TRPM3: variants seen among roughly 807,000 people sequenced by gnomAD.
TRPM3 encodes the protein transient receptor potential cation channel subfamily M member 3, also known as long transient receptor potential channel 3.
A neutral mutation model predicts 181.2 loss-of-function variants in TRPM3; 77 were observed. The observed-to-expected ratio is 0.42, with a 90% confidence interval of 0.35 to 0.51. TRPM3 has a LOEUF of 0.51. Among genes scored for constraint, TRPM3 ranks in the 20% least tolerant of loss-of-function variants. The pLI is 0.01. For synonymous variants in TRPM3, 745 were observed against 796.4 expected (o/e 0.94, Z 1.09); for missense variants, 1,759 against 2,196.7 (o/e 0.80, Z 3.98).
chr9:71,143,059 A>G (rs1448179835), intron 1 of TRPM3, among the ~76,000 whole-genome samples: 1 of 151,162 alleles, frequency 6.6e-6, no homozygotes, highest in Admixed American at 6.6e-5. Flanking sequence ...CTGAGGCGGG[A>G]AGATCACTTG....
chr9:71,190,025 G>T (rs1424437897), intron 1 of TRPM3, among the ~76,000 whole-genome samples: 1 of 151,784 alleles, frequency 6.6e-6, no homozygotes, highest in African/African-American at 2.4e-5. Flanking sequence ...CCTGATTTTT[G>T]TGTCACTTTT....
intron 1 of TRPM3, among the ~76,000 whole-genome samples, chr9:71,380,166 C>T (rs1480210927): frequency 6.6e-6 from 1 of 152,000 alleles, no homozygotes; most frequent in East Asian, 1.9e-4. Context: ...CAGTGGTCTT[C>T]TTGGCTATTT....
chr9:71,035,024 G>A (rs954680938), intron 1 of TRPM3, among the ~76,000 whole-genome samples: 3 of 152,080 alleles, frequency 2.0e-5, no homozygotes, highest in East Asian at 3.9e-4. Context: ...CTTGTTTACA[G>A]CGGCAATTTG....
chr9:70,744,164 C>A (rs912820412), intron 8 of TRPM3, among the ~76,000 whole-genome samples: 1 of 151,870 alleles, frequency 6.6e-6, no homozygotes, highest in Non-Finnish European at 1.5e-5. Context: ...CCCGTCTCTA[C>A]TAAAAATACA....
intron 1 of TRPM3, among the ~76,000 whole-genome samples, chr9:71,041,916 G>C (rs75957395): frequency 0.047 from 7,183 of 152,014 alleles, 273 homozygotes; most frequent in African/African-American, 0.11. Context: ...CTCTTATATT[G>C]TCCCCTCTGT....
At chr9:70,891,511 G>C (rs959893529) in intron 1 of TRPM3, among the ~76,000 whole-genome samples, 3 of 152,264 alleles carry the variant, frequency 2.0e-5, no homozygotes, top group South Asian at 4.2e-4. Flanking sequence ...TGTCAGGCAA[G>C]GGACCCTGTT....
At chr9:71,061,658 C>T (rs1489583525) in intron 1 of TRPM3, among the ~76,000 whole-genome samples, 1 of 152,068 alleles carries the variant, frequency 6.6e-6, no homozygotes, top group Non-Finnish European at 1.5e-5. Flanking sequence ...CTCTAGTGAG[C>T]ATCCCTGGCA....
intron 1 of TRPM3, among the ~76,000 whole-genome samples, chr9:70,935,799 C>T (rs577515939): frequency 2.0e-5 from 3 of 152,200 alleles, no homozygotes; most frequent in South Asian, 4.1e-4. Context: ...ATTTTTTCCC[C>T]CAAGCGCAAT....
At chr9:71,260,151 T>C (rs941073771) in intron 1 of TRPM3, among the ~76,000 whole-genome samples, 1 of 152,200 alleles carries the variant, frequency 6.6e-6, no homozygotes, top group African/African-American at 2.4e-5. Flanking sequence ...ATTTCCCCAT[T>C]GTTTGTTTTT....
At chr9:71,174,306 CCAA>C (rs1259899044) in intron 1 of TRPM3, among the ~76,000 whole-genome samples, 1 of 152,098 alleles carries the variant, frequency 6.6e-6, no homozygotes, top group African/African-American at 2.4e-5. Flanking sequence ...ATTTGGGAGG[CCAA>C]CGCCAGTGGA....
chr9:70,914,823 T>A lies in TRPM3; in HGVS notation c.178-50312A>T, dbSNP rs140263305. ...CTCTGCCTAGTGATCCAGATAATTT[T>A]TCCAGATCTTGTCCAAGACCATCAA... is the stretch of plus-strand genomic sequence containing the variant. On this transcript the variant is annotated intron_variant, in intron 1 of 25. Coordinates refer to ENST00000677713, the MANE Select transcript of TRPM3 (RefSeq NM_001366145.2). 2.6e-3 allele frequency among the ~76,000 whole-genome samples: 389 copies of A among 152,330 alleles called. 2 individuals are homozygous for A. The highest frequency in any genetic ancestry group is 9.0e-3 in the African/African-American group (375 of 41,568).
chr9:70,993,009 G>A (rs953565071), intron 1 of TRPM3, among the ~76,000 whole-genome samples: 6 of 152,250 alleles, frequency 3.9e-5, no homozygotes, highest in Non-Finnish European at 7.4e-5. Context: ...AAACCCCCAA[G>A]AGATTTATGT....
intron 1 of TRPM3, among the ~76,000 whole-genome samples, chr9:71,327,078 A>G (rs530271640): frequency 6.6e-6 from 1 of 152,346 alleles, no homozygotes; most frequent in Non-Finnish European, 1.5e-5. Flanking sequence ...CCGTAACTGG[A>G]CACAGATCCA....
At chr9:71,187,806 T>C (rs1448644837) in intron 1 of TRPM3, among the ~76,000 whole-genome samples, 1 of 151,776 alleles carries the variant, frequency 6.6e-6, no homozygotes, top group African/African-American at 2.4e-5. Context: ...ATGAACATAG[T>C]TTTCATAACA....
intron 1 of TRPM3, among the ~76,000 whole-genome samples, chr9:71,287,646 A>T (rs181400954): frequency 0.012 from 1,801 of 152,068 alleles, 23 homozygotes; most frequent in Non-Finnish European, 0.015. Context: ...AGAAAAAAAA[A>T]AAAAGCCTGG....
chr9:70,995,075 G>A (rs879360744), intron 1 of TRPM3, among the ~76,000 whole-genome samples: 11 of 152,180 alleles, frequency 7.2e-5, no homozygotes, highest in East Asian at 1.9e-4. Context: ...GATTCCAGCC[G>A]TGTCTTCTCT....
intron 1 of TRPM3, among the ~76,000 whole-genome samples, chr9:71,245,246 T>C (rs2081965930): frequency 6.6e-6 from 1 of 151,932 alleles, no homozygotes; most frequent in Non-Finnish European, 1.5e-5. Flanking sequence ...GTCAGGAATT[T>C]GAGACCCCAA....
At chr9:70,982,954 C>T (rs2097378317) in intron 1 of TRPM3, among the ~76,000 whole-genome samples, 1 of 152,170 alleles carries the variant, frequency 6.6e-6, no homozygotes, top group Non-Finnish European at 1.5e-5. Flanking sequence ...CTGCCTCGGC[C>T]TCCCAAAGTG....
intron 6 of TRPM3, among the ~76,000 whole-genome samples, chr9:70,791,364 T>C (rs1328892213): frequency 6.6e-6 from 1 of 152,200 alleles, no homozygotes; most frequent in Non-Finnish European, 1.5e-5. Flanking sequence ...TACTTATGGT[T>C]CTCTAGACAG....
Sources: gnomAD v4.1 joint callset for allele counts (sites outside exome capture counted in the v4.1 genomes callset) on GRCh38, gnomAD v4.1.1 for gene constraint, MANE v1.5 for transcripts, NCBI Gene and HGNC (gene_info 2026-07-23, HGNC 2026-07-21) for gene names.